ASH1L: variants seen among roughly 807,000 people sequenced by gnomAD.
ASH1L encodes histone-lysine N-methyltransferase ASH1L.
ASH1L carries 23 observed loss-of-function variants against 269.0 expected under a neutral mutation model. The observed-to-expected ratio is 0.09, with a 90% CI of 0.06 to 0.12. ASH1L has a LOEUF of 0.12. Ranked by LOEUF, ASH1L falls within the 10% of genes least tolerant of loss-of-function variation. The pLI, the probability that ASH1L is intolerant of heterozygous loss-of-function variation, is 1.00. For synonymous variants in ASH1L, 1,187 were observed against 1,253.5 expected (o/e 0.95, Z 1.12); for missense variants, 2,912 against 3,567.8 (o/e 0.82, Z 4.68).
At chr1:155,339,778 A>G (rs539244148) in intron 25 of ASH1L, among the ~76,000 whole-genome samples, 47 of 152,226 alleles carry the variant, frequency 3.1e-4, no homozygotes, top group Non-Finnish European at 6.2e-4. Context: ...CTCCTAGGCT[A>G]CAAGCCTATA....
chr1:155,419,874 T>C (rs1660526236), intron 5 of ASH1L, among the ~76,000 whole-genome samples: 1 of 152,188 alleles, frequency 6.6e-6, no homozygotes, highest in South Asian at 2.1e-4. Context: ...TGATTGTCTA[T>C]ATAAAAACAC....
chr1:155,458,703 T>C (rs1664052928), intron 4 of ASH1L, among the ~76,000 whole-genome samples: 1 of 151,596 alleles, frequency 6.6e-6, no homozygotes, highest in Admixed American at 6.6e-5. Flanking sequence ...GGCAACAGAG[T>C]GGGACTCATC....
intron 5 of ASH1L, among the ~76,000 whole-genome samples, chr1:155,418,937 G>C (rs1660444153): frequency 6.6e-6 from 1 of 152,130 alleles, no homozygotes; most frequent in Non-Finnish European, 1.5e-5. Flanking sequence ...CAGGCGTGGT[G>C]GTGGGTGCCT....
At chr1:155,507,291 A>C (rs1282678872) in intron 2 of ASH1L, among the ~76,000 whole-genome samples, 3 of 152,184 alleles carry the variant, frequency 2.0e-5, no homozygotes, top group Non-Finnish European at 4.4e-5. Context: ...AAAAAAAAAA[A>C]AAAACGCTTC....
chr1:155,411,715 T>C (rs1157427850), intron 6 of ASH1L, among the ~76,000 whole-genome samples: 1 of 148,722 alleles, frequency 6.7e-6, no homozygotes, highest in Non-Finnish European at 1.5e-5. Context: ...AGATAGAATC[T>C]CTCTTTGACC....
intron 1 of ASH1L, among the ~76,000 whole-genome samples, chr1:155,529,166 A>G (rs1669480132): frequency 6.6e-6 from 1 of 152,116 alleles, no homozygotes; most frequent in South Asian, 2.1e-4. Context: ...GAAGATACGC[A>G]TGCATCTGTC....
chr1:155,496,798 T>C (rs531163508), intron 2 of ASH1L, among the ~76,000 whole-genome samples: 9 of 151,932 alleles, frequency 5.9e-5, no homozygotes, highest in East Asian at 1.9e-4. Flanking sequence ...GCAATCACGC[T>C]TGGCTATTTT....
chr1:155,354,795 A>G (rs560446713), intron 15 of ASH1L, among the ~76,000 whole-genome samples, 165 bp from the exon 16 acceptor site: 3 of 152,346 alleles, frequency 2.0e-5, no homozygotes, highest in Non-Finnish European at 4.4e-5. Context: ...CAATTTTTTT[A>G]CATTACATAA....
intron 3 of ASH1L, among the ~76,000 whole-genome samples, chr1:155,460,789 AC>A (rs1664244230): frequency 6.6e-6 from 1 of 152,210 alleles, no homozygotes; most frequent in African/African-American, 2.4e-5. Flanking sequence ...TTGGCTATAT[AC>A]ATAAAAGCTT....
chr1:155,485,509 A>G (rs796597305), intron 2 of ASH1L, among the ~76,000 whole-genome samples: 1 of 152,320 alleles, frequency 6.6e-6, no homozygotes, highest in Non-Finnish European at 1.5e-5. Context: ...AATTGCCCTC[A>G]GTGAGCATAT....
chr1:155,405,029 A>T (rs896866079), intron 6 of ASH1L, among the ~76,000 whole-genome samples: 3 of 150,992 alleles, frequency 2.0e-5, no homozygotes, highest in East Asian at 3.9e-4. Flanking sequence ...TCCATCTAAA[A>T]AAAAATAATA....
intron 2 of ASH1L, among the ~76,000 whole-genome samples, chr1:155,515,191 C>T (rs879512638): frequency 5.3e-5 from 8 of 152,138 alleles, no homozygotes; most frequent in Non-Finnish European, 1.2e-4. Context: ...AAAAAGAGCC[C>T]AATTCTTCTC....
At chr1:155,486,105 A>G (rs1666313310) in intron 2 of ASH1L, among the ~76,000 whole-genome samples, 1 of 152,168 alleles carries the variant, frequency 6.6e-6, no homozygotes, top group African/African-American at 2.4e-5. Flanking sequence ...GAACTCAACC[A>G]AAATATTTAA....
intron 6 of ASH1L, among the ~76,000 whole-genome samples, chr1:155,405,929 T>A (rs1659244623): frequency 6.6e-6 from 1 of 151,262 alleles, no homozygotes; most frequent in Non-Finnish European, 1.5e-5. Context: ...CTTGGCCAGG[T>A]GCTGTAGCTC....
At chr1:155,348,033 C>G in intron 19 of ASH1L, 129 bp from the exon 20 acceptor site, 1 of 1,071,648 alleles carries the variant, frequency 9.3e-7, no homozygotes, top group Non-Finnish European at 1.4e-6. Context: ...TCAATAGTAT[C>G]AAATATATGG....
At chr1:155,460,381 G>C (rs368387386) in intron 3 of ASH1L, among the ~76,000 whole-genome samples, 1 of 152,116 alleles carries the variant, frequency 6.6e-6, no homozygotes, top group East Asian at 1.9e-4. Context: ...AGGCCGAGGC[G>C]GGTGGATCAC....
intron 2 of ASH1L, among the ~76,000 whole-genome samples, chr1:155,490,171 A>G (rs924318556): frequency 2.6e-5 from 4 of 151,566 alleles, no homozygotes; most frequent in Non-Finnish European, 4.4e-5. Flanking sequence ...TCACCGTGTT[A>G]GCCAGGATGG....
intron 2 of ASH1L, among the ~76,000 whole-genome samples, chr1:155,514,488 C>A (rs934843215): frequency 6.6e-6 from 1 of 152,058 alleles, no homozygotes; most frequent in South Asian, 2.1e-4. Context: ...TGTTATATAT[C>A]ATTTTAATGC....
intron 24 of ASH1L, among the ~76,000 whole-genome samples, chr1:155,342,812 A>G (rs1652927118): frequency 6.6e-6 from 1 of 152,236 alleles, no homozygotes; most frequent in Admixed American, 6.5e-5. Context: ...AGTACACAGT[A>G]TTAACAAAAT....
Sources: allele counts gnomAD v4.1 joint callset (sites outside exome capture counted in the v4.1 genomes callset), GRCh38; gene constraint gnomAD v4.1.1; transcripts MANE v1.5; gene names NCBI Gene and HGNC (gene_info 2026-07-23, HGNC 2026-07-21).